JMY: variants seen among roughly 807,000 people sequenced by gnomAD.
JMY encodes junction-mediating and -regulatory protein.
JMY carries 46 observed loss-of-function variants against 103.3 expected under a neutral mutation model. The observed-to-expected ratio is 0.45, with a 90% CI of 0.35 to 0.57. The LOEUF (loss-of-function observed/expected upper bound fraction) is 0.57. JMY is among the 20% of genes least tolerant of loss of function. JMY has a pLI of 0.00. For synonymous variants in JMY, 526 were observed against 489.3 expected (o/e 1.07, Z -0.99); for missense variants, 1,238 against 1,255.2 (o/e 0.99, Z 0.21).
At chr5:79,288,226 A>G (rs898059790) in intron 2 of JMY, among the ~76,000 whole-genome samples, 2 of 152,122 alleles carry the variant, frequency 1.3e-5, no homozygotes, top group Non-Finnish European at 2.9e-5. Context: ...AGTATCTCTC[A>G]TTACTTTCAT....
chr5:79,282,984 G>GATA (rs902818236), intron 2 of JMY, among the ~76,000 whole-genome samples: 5 of 149,008 alleles, frequency 3.4e-5, no homozygotes, highest in Non-Finnish European at 5.9e-5. Context: ...AACAGAGAAT[G>GATA]ATAATAATAA....
Position 79,237,556 on chromosome 5 carries a change from G to C in JMY, c.906G>C (p.Trp302Cys), listed in dbSNP as rs1314419627. 2 of 1,613,720 alleles carry C rather than the reference G, an allele frequency of 1.2e-6. No individual in the cohort carries two copies. Among genetic ancestry groups the C allele is most frequent in the Non-Finnish European group, 1.7e-6 (2 of 1,180,026 alleles). The change falls in exon 1 of 11, where the codon TGG (tryptophan) becomes TGC (cysteine). Residue 302 changes from tryptophan to cysteine, a missense_variant. Transcript: ENST00000396137. ...YLGHGLDTCG[W>C]KILSQVLFTE... ...GCCACGGCCTGGACACCTGCGGCTGGAAGATCCTCTCCCAGGTGCTCTTCA... is the reference window on the plus strand; with the variant it reads ...GCCACGGCCTGGACACCTGCGGCTGCAAGATCCTCTCCCAGGTGCTCTTCA...
At chr5:79,261,839 G>A (rs117661034) in intron 1 of JMY, among the ~76,000 whole-genome samples, 1 of 152,280 alleles carries the variant, frequency 6.6e-6, no homozygotes, top group East Asian at 1.9e-4. Context: ...TGGCCAAGCT[G>A]CTGTCAAACT....
intron 2 of JMY, among the ~76,000 whole-genome samples, chr5:79,285,909 C>T (rs1365709057): frequency 6.6e-6 from 1 of 152,170 alleles, no homozygotes; most frequent in Admixed American, 6.5e-5. Context: ...AATAATTCCA[C>T]GTCAGGTAAT....
intron 7 of JMY, among the ~76,000 whole-genome samples, chr5:79,310,791 T>G (rs1353412229): frequency 1.3e-5 from 2 of 152,100 alleles, no homozygotes; most frequent in Admixed American, 1.3e-4. Flanking sequence ...GAATTCTGTT[T>G]TCCCCATTAA....
chr5:79,275,440 C>G (rs972267249), intron 1 of JMY, among the ~76,000 whole-genome samples: 2 of 152,146 alleles, frequency 1.3e-5, no homozygotes, highest in African/African-American at 4.8e-5. Flanking sequence ...GGATTACAGG[C>G]GTGAGCCACC....
rs1747635404 is a variant in JMY, at chr5:79,326,117, T to C, written c.*4515T>C. 6.6e-6 allele frequency: 1 copy of C among 152,196 alleles called. No homozygotes were observed. Among genetic ancestry groups the C allele is most frequent in the Non-Finnish European group, 1.5e-5 (1 of 68,022 alleles). The allele number at this position is 152,196 out of a possible 1,614,324, so 9.4% of individuals were successfully genotyped here. A position where few individuals can be genotyped will look rare whatever the true frequency, so the allele number is the denominator to read the frequency against. ...TGAGGTTGACTTGTTAAATAACTGA[T>C]GAATGTTATTTCACACTGAATCTCA... On this transcript the variant is annotated 3_prime_UTR_variant, in exon 11 of 11. Coordinates refer to ENST00000396137, the MANE Select transcript of JMY (RefSeq NM_152405.5).
At chr5:79,291,427 A>T (rs1746422505) in intron 4 of JMY, 128 bp downstream of exon 4, 1 of 701,336 alleles carries the variant, frequency 1.4e-6, no homozygotes, top group Non-Finnish European at 2.3e-6. Flanking sequence ...GAAAACACTT[A>T]GAATAGGTCC....
intron 4 of JMY, among the ~76,000 whole-genome samples, chr5:79,297,196 T>C (rs60422170): frequency 0.037 from 5,657 of 152,268 alleles, 343 homozygotes; most frequent in African/African-American, 0.13. Context: ...TTTGGGGTAC[T>C]GGTATCCTGA....
chr5:79,326,451 A>T lies in JMY; in HGVS notation c.*4849A>T, dbSNP rs1283117613. ...ATATTGGTTTTAAAAAGTCTGCATAATCACTAGGTGGCATTTTCCCTTCAT... is the reference window on the plus strand; with the variant it reads ...ATATTGGTTTTAAAAAGTCTGCATATTCACTAGGTGGCATTTTCCCTTCAT... On this transcript the variant is annotated 3_prime_UTR_variant, in exon 11 of 11. Coordinates refer to ENST00000396137, the MANE Select transcript of JMY (RefSeq NM_152405.5). The T allele has an allele frequency of 1.3e-5, 2 of 152,036 alleles. No homozygotes were observed. The highest frequency in any genetic ancestry group is 2.9e-5 in the Non-Finnish European group (2 of 67,990). 9.4% of individuals were successfully genotyped at this position (152,036 alleles called of 1,614,324 possible).
At chr5:79,269,446 A>C (rs1222271751) in intron 1 of JMY, among the ~76,000 whole-genome samples, 3 of 152,212 alleles carry the variant, frequency 2.0e-5, no homozygotes. Context: ...TATAAACTTT[A>C]GAATTTATTT....
At chr5:79,291,707 TC>T (rs1328157931) in intron 4 of JMY, among the ~76,000 whole-genome samples, 1 of 152,344 alleles carries the variant, frequency 6.6e-6, no homozygotes, top group East Asian at 1.9e-4. Flanking sequence ...TTTTGGAACT[TC>T]CCATTTTATT....
intron 2 of JMY, among the ~76,000 whole-genome samples, chr5:79,288,727 T>G (rs897744): frequency 1.3e-3 from 203 of 150,598 alleles, no homozygotes; most frequent in African/African-American, 4.3e-3. Flanking sequence ...TTTTTTTTTG[T>G]TTGTTTGTTT....
chr5:79,287,692 C>G (rs2112095334), intron 2 of JMY, among the ~76,000 whole-genome samples: 1 of 152,266 alleles, frequency 6.6e-6, no homozygotes, highest in Non-Finnish European at 1.5e-5. Flanking sequence ...AGTTAAACAG[C>G]AGCTTAAAAG....
intron 1 of JMY, among the ~76,000 whole-genome samples, chr5:79,273,626 C>A (rs1199855480): frequency 6.6e-6 from 1 of 152,130 alleles, no homozygotes; most frequent in East Asian, 1.9e-4. Flanking sequence ...TCTGGAACTT[C>A]AGTTCAATAT....
At chr5:79,254,508 C>CT (rs1745180975) in intron 1 of JMY, among the ~76,000 whole-genome samples, 1 of 152,222 alleles carries the variant, frequency 6.6e-6, no homozygotes, top group African/African-American at 2.4e-5. Flanking sequence ...ACTGAAAAGT[C>CT]TGCTACCAGA....
rs1417658632 is a variant in JMY at position 79,237,000 on chromosome 5, G to A, written c.350G>A (p.Arg117Gln). Residue 117 changes from arginine to glutamine, a missense_variant, in exon 1 of 11, where the codon CGG becomes CAG. By Grantham distance (43) the Arg-to-Gln change is conservative. Transcript: ENST00000396137. The part of the protein sequence containing the change: ...SSAWAEGGSP[R>Q]STRSLLGDPR... ...GCCTGGGCGGAGGGCGGCTCTCCTCGGAGCACTCGCAGCCTTCTGGGGGAC... is the reference window on the plus strand; with the variant it reads ...GCCTGGGCGGAGGGCGGCTCTCCTCAGAGCACTCGCAGCCTTCTGGGGGAC... 6.8e-7 allele frequency: 1 copy of A among 1,476,872 alleles called. No homozygotes were observed. 91.5% of individuals were successfully genotyped at this position (1,476,872 alleles called of 1,614,324 possible).
chr5:79,281,292 C>T (rs1182063503), intron 2 of JMY, among the ~76,000 whole-genome samples: 1 of 151,610 alleles, frequency 6.6e-6, no homozygotes, highest in Non-Finnish European at 1.5e-5. Context: ...GATCCACCCA[C>T]CTCGGCCTCC....
At chr5:79,250,703 A>G (rs1247258975) in intron 1 of JMY, among the ~76,000 whole-genome samples, 1 of 147,084 alleles carries the variant, frequency 6.8e-6, no homozygotes, top group Non-Finnish European at 1.5e-5. Flanking sequence ...GGTGCTTTTA[A>G]CAGCCTCTCA....
Sources: gnomAD v4.1 joint callset for allele counts (sites outside exome capture counted in the v4.1 genomes callset) on GRCh38, gnomAD v4.1.1 for gene constraint, MANE v1.5 for transcripts, NCBI Gene and HGNC (gene_info 2026-07-23, HGNC 2026-07-21) for gene names.